Variants in CCSER1 observed in about 807,000 individuals in gnomAD.
CCSER1 encodes coiled-coil serine rich protein 1, also known as serine-rich coiled-coil domain-containing protein 1.
In CCSER1, 41 loss-of-function variants were observed where a neutral mutation model predicts 82.0. The observed-to-expected ratio is 0.50, with a 90% CI of 0.39 to 0.65. The LOEUF (loss-of-function observed/expected upper bound fraction) is 0.65. Among genes scored for constraint, CCSER1 ranks in the 30% least tolerant of loss-of-function variants. The pLI is 0.00. For synonymous variants in CCSER1, 414 were observed against 383.9 expected (o/e 1.08, Z -0.92); for missense variants, 1,119 against 1,064.2 (o/e 1.05, Z -0.72).
intron 7 of CCSER1, among the ~76,000 whole-genome samples, chr4:90,810,675 C>CAACAAT (rs1280679728): frequency 6.6e-6 from 1 of 151,878 alleles, no homozygotes; most frequent in Admixed American, 6.6e-5. Context: ...ACAACAACAA[C>CAACAAT]AACAACCAAA....
chr4:90,866,890 T>G (rs1765792196), intron 8 of CCSER1, among the ~76,000 whole-genome samples: 1 of 151,946 alleles, frequency 6.6e-6, no homozygotes, highest in Admixed American at 6.6e-5. Flanking sequence ...CACAGTAGGA[T>G]TCACACCCCC....
At chr4:90,240,017 G>T (rs1486015832) in intron 1 of CCSER1, among the ~76,000 whole-genome samples, 1 of 152,160 alleles carries the variant, frequency 6.6e-6, no homozygotes, top group Non-Finnish European at 1.5e-5. Flanking sequence ...GAAGCTAAAG[G>T]AGTGTAACCA....
intron 4 of CCSER1, among the ~76,000 whole-genome samples, chr4:90,402,483 A>G (rs1753016935): frequency 6.6e-6 from 1 of 152,200 alleles, no homozygotes; most frequent in African/African-American, 2.4e-5. Flanking sequence ...ACCAACAAGT[A>G]TGAGTAAGGA....
At chr4:90,532,685 TCAAAATAATTTTGTATGGACTTCTAC>T (rs1411609014) in intron 5 of CCSER1, among the ~76,000 whole-genome samples, 2 of 152,214 alleles carry the variant, frequency 1.3e-5, no homozygotes, top group South Asian at 2.1e-4. Context: ...TTTCTTTATA[TCAAAATAATTTTGTATGGACTTCTAC>T]CAAAATTCTT....
intron 9 of CCSER1, among the ~76,000 whole-genome samples, chr4:90,957,487 ATAT>A (rs1408146099): frequency 1.3e-4 from 18 of 133,504 alleles, no homozygotes; most frequent in African/African-American, 3.0e-4. Context: ...TTATATTATA[ATAT>A]TATTATATAA....
intron 6 of CCSER1, among the ~76,000 whole-genome samples, chr4:90,706,047 G>C (rs1343326099): frequency 6.6e-6 from 1 of 152,132 alleles, no homozygotes; most frequent in Non-Finnish European, 1.5e-5. Context: ...TGCAGAAATC[G>C]CCCATCTTCT....
chr4:90,308,959 A>G lies in CCSER1; in HGVS notation c.675A>G (p.Arg225=). The part of the protein sequence containing the change: ...QYQEREPVLV[R]ASPSCSVDVT... ...AAGAGAGAGAACCTGTATTAGTAAG[A>G]GCTTCGCCATCCTGTTCTGTGGATG... Residue 225 remains arginine (R), a synonymous_variant, in exon 2 of 11, where the codon AGA becomes AGG. Coordinates refer to ENST00000509176, the MANE Select transcript of CCSER1 (RefSeq NM_001145065.2). 2 of 1,613,822 alleles carry G rather than the reference A, an allele frequency of 1.2e-6. No individual in the cohort carries two copies. Among genetic ancestry groups the G allele is most frequent in the South Asian group, 2.2e-5 (2 of 91,064 alleles).
chr4:90,534,989 G>C (rs78070493), intron 5 of CCSER1, among the ~76,000 whole-genome samples: 1,528 of 152,108 alleles, frequency 0.01, 27 homozygotes, highest in African/African-American at 0.035. Flanking sequence ...AAAATCACCA[G>C]GTTATCTTAT....
At chr4:90,326,378 A>G (rs1738205461) in intron 3 of CCSER1, among the ~76,000 whole-genome samples, 1 of 151,830 alleles carries the variant, frequency 6.6e-6, no homozygotes, top group African/African-American at 2.4e-5. Flanking sequence ...TTTGTTTTAA[A>G]CTAGCCGTTT....
chr4:90,309,434 A>G lies in CCSER1; in HGVS notation c.1150A>G (p.Thr384Ala), dbSNP rs1275902807. The G allele has an allele frequency of 1.2e-6, 2 of 1,613,896 alleles. No individual in the cohort carries two copies. Among genetic ancestry groups the G allele is most frequent in the Middle Eastern group, 1.6e-4 (1 of 6,062 alleles). ...EENIGLQNGETMLGTNSPRKL... is the reference protein window; with the variant it reads ...EENIGLQNGEAMLGTNSPRKL... Reference sequence around the variant, plus strand: ...AAATATAGGGTTACAAAATGGTGAAACAATGCTGGGGACAAACTCCCCAAG... The same window carrying G: ...AAATATAGGGTTACAAAATGGTGAAGCAATGCTGGGGACAAACTCCCCAAG... Residue 384 changes from threonine to alanine, a missense_variant, in exon 2 of 11, where the codon ACA becomes GCA. Transcript: ENST00000509176.
chr4:90,553,207 A>G (rs1777739765), intron 5 of CCSER1, among the ~76,000 whole-genome samples: 1 of 152,150 alleles, frequency 6.6e-6, no homozygotes, highest in Non-Finnish European at 1.5e-5. Flanking sequence ...TAACCTCGTG[A>G]TCTACCTGCC....
intron 7 of CCSER1, among the ~76,000 whole-genome samples, chr4:90,746,118 T>G (rs1747417672): frequency 1.3e-5 from 2 of 152,310 alleles, no homozygotes; most frequent in South Asian, 4.1e-4. Context: ...CTCAAAGTAG[T>G]TTAATCAAAC....
chr4:91,358,892 T>A (rs1178540123), intron 10 of CCSER1, among the ~76,000 whole-genome samples: 1 of 152,026 alleles, frequency 6.6e-6, no homozygotes, highest in East Asian at 1.9e-4. Flanking sequence ...CAGGCTTAAG[T>A]CACCTAAGGG....
chr4:90,758,157 C>T (rs62313012), intron 7 of CCSER1, among the ~76,000 whole-genome samples: 19,637 of 152,046 alleles, frequency 0.13, 1,588 homozygotes, highest in Non-Finnish European at 0.17. Context: ...AGGCTGGGCT[C>T]GAACCCTGAC....
intron 9 of CCSER1, among the ~76,000 whole-genome samples, chr4:91,059,210 A>G (rs1743718670): frequency 6.7e-6 from 1 of 149,924 alleles, no homozygotes; most frequent in Non-Finnish European, 1.5e-5. Context: ...TATTCATAGC[A>G]GATTCCAAAA....
Position 91,240,316 on chromosome 4 carries a change from TC to T in CCSER1, c.2217+154329del, listed in dbSNP as rs1418897545. Among the ~76,000 whole-genome samples the T allele has an allele frequency of 3.2e-5, 2 of 62,826 alleles. 1 individual carries two copies. Among genetic ancestry groups the T allele is most frequent in the Non-Finnish European group, 5.6e-5 (2 of 35,942 alleles). The allele number at this position is 62,826 out of a possible 152,430, so 41.2% of individuals were successfully genotyped here. On this transcript the variant is annotated intron_variant, in intron 10 of 10. Transcript: ENST00000509176. ...TGGTCTCGATCTTCTGACCACGTGA[TC>T]CCCCCCACCTCAGCCTCCCAAAGTG... is the stretch of plus-strand genomic sequence containing the variant.
chr4:91,346,324 T>C (rs575849323), intron 10 of CCSER1, among the ~76,000 whole-genome samples: 1 of 152,268 alleles, frequency 6.6e-6, no homozygotes, highest in Non-Finnish European at 1.5e-5. Context: ...CTTATTTCTT[T>C]TTATCATTGG....
chr4:90,169,238 A>G (rs371308760), intron 1 of CCSER1, among the ~76,000 whole-genome samples: 2 of 152,028 alleles, frequency 1.3e-5, no homozygotes, highest in African/African-American at 4.8e-5. Context: ...CTTTGAAGCA[A>G]TTGTGAATGG....
chr4:91,217,400 G>A (rs1050257174), intron 10 of CCSER1, among the ~76,000 whole-genome samples: 5 of 152,204 alleles, frequency 3.3e-5, no homozygotes, highest in African/African-American at 7.2e-5. Flanking sequence ...CATCAGATTA[G>A]TTAGATGCAG....
Sources: allele counts gnomAD v4.1 joint callset (sites outside exome capture counted in the v4.1 genomes callset), GRCh38; gene constraint gnomAD v4.1.1; transcripts MANE v1.5; gene names NCBI Gene and HGNC (gene_info 2026-07-23, HGNC 2026-07-21).